The following SNRK variants were observed in gnomAD, a reference collection of about 807,000 sequenced individuals.
The protein encoded by SNRK is SNF related kinase.
SNRK carries 3 observed loss-of-function variants against 48.2 expected under a neutral mutation model. That is an observed-to-expected ratio of 0.06 (90% CI 0.03 to 0.16). SNRK has a LOEUF of 0.16. SNRK is among the 10% of genes least tolerant of loss of function. SNRK has a pLI of 1.00. For synonymous variants in SNRK, 376 were observed against 366.1 expected (o/e 1.03, Z -0.31); for missense variants, 627 against 976.0 (o/e 0.64, Z 4.76).
At chr3:43,297,870 C>T (rs893791861) in intron 1 of SNRK, among the ~76,000 whole-genome samples, 5 of 152,134 alleles carry the variant, frequency 3.3e-5, no homozygotes, top group Non-Finnish European at 7.3e-5. Context: ...TTACAGCACT[C>T]ATTTTCAATT....
intron 3 of SNRK, among the ~76,000 whole-genome samples, chr3:43,322,570 T>A (rs1229515616): frequency 1.3e-5 from 2 of 152,170 alleles, no homozygotes; most frequent in Admixed American, 6.5e-5. Context: ...TTAAAGAAGT[T>A]ATGTAACTAG....
chr3:43,346,442 A>C (rs11130000), intron 6 of SNRK, among the ~76,000 whole-genome samples: 32,939 of 152,236 alleles, frequency 0.22, 4,115 homozygotes, highest in Middle Eastern at 0.35. Context: ...AGAGAGCCTC[A>C]TTTAAAAAAT....
intron 3 of SNRK, among the ~76,000 whole-genome samples, chr3:43,313,149 G>GT (rs1168834428): frequency 2.6e-5 from 4 of 152,154 alleles, no homozygotes; most frequent in Non-Finnish European, 4.4e-5. Flanking sequence ...CTGAAAAATA[G>GT]TTTGACAGTT....
intron 6 of SNRK, among the ~76,000 whole-genome samples, chr3:43,345,755 G>T (rs1194313481): frequency 6.6e-6 from 1 of 152,190 alleles, no homozygotes; most frequent in African/African-American, 2.4e-5. Flanking sequence ...GGATCCTGCA[G>T]CAGTGAGGTG....
At chr3:43,288,652 A>G (rs534476633) in intron 1 of SNRK, among the ~76,000 whole-genome samples, 1 of 152,334 alleles carries the variant, frequency 6.6e-6, no homozygotes, top group South Asian at 2.1e-4. Context: ...TAAATAAGAC[A>G]TGATTTCTTC....
chr3:43,343,435 C>G lies in SNRK; in HGVS notation c.1036C>G (p.Gln346Glu). The change falls in exon 6 of 7, where the codon CAG becomes GAG. Residue 346 changes from glutamine (Q) to glutamate (E), a missense_variant. By Grantham distance (29) the Gln-to-Glu change is conservative (BLOSUM62 2). This residue lies in a region of SNRK where 175 missense variants were observed against 209.7 expected (regional missense o/e 0.83). Coordinates refer to ENST00000296088, the MANE Select transcript of SNRK (RefSeq NM_017719.5). ...ILREKQEKEIQTRSASPSNIK... is the reference protein window; with the variant it reads ...ILREKQEKEIETRSASPSNIK... ...GAGAGAAAAGCAAGAGAAAGAAATA[C>G]AGACCAGATCTGCAAGCCCGAGCAA... is the stretch of plus-strand genomic sequence containing the variant. 1 of 1,613,858 alleles carries G rather than the reference C, an allele frequency of 6.2e-7. No homozygotes were observed. The highest frequency in any genetic ancestry group is 8.5e-7 in the Non-Finnish European group (1 of 1,179,954).
chr3:43,336,974 G>T (rs979222969), intron 4 of SNRK, among the ~76,000 whole-genome samples: 3 of 152,078 alleles, frequency 2.0e-5, no homozygotes, highest in African/African-American at 7.2e-5. Context: ...GGGTGGTCTC[G>T]ATCTCCTGAC....
intron 3 of SNRK, among the ~76,000 whole-genome samples, chr3:43,310,572 A>G (rs1447855880): frequency 1.3e-5 from 2 of 151,030 alleles, no homozygotes; most frequent in African/African-American, 4.9e-5. Flanking sequence ...TTTGTTTGAA[A>G]CCCTTTCAGA....
chr3:43,310,081 G>A (rs2090968368), intron 3 of SNRK, among the ~76,000 whole-genome samples: 1 of 152,084 alleles, frequency 6.6e-6, no homozygotes, highest in Admixed American at 6.6e-5. Context: ...CTTTATTTCA[G>A]TGGTCTGGAA....
chr3:43,304,725 T>A (rs551142950), intron 3 of SNRK, among the ~76,000 whole-genome samples: 6 of 152,084 alleles, frequency 3.9e-5, no homozygotes, highest in Non-Finnish European at 8.8e-5. Context: ...GCATTTGTGG[T>A]AATTTGAAAT....
chr3:43,342,401 A>G (rs2091244275), intron 5 of SNRK, among the ~76,000 whole-genome samples: 1 of 152,198 alleles, frequency 6.6e-6, no homozygotes, highest in Non-Finnish European at 1.5e-5. Context: ...TGTATTTAGT[A>G]CTTGGCTGAA....
intron 5 of SNRK, 124 bp downstream of exon 5, chr3:43,340,623 T>TATCTTAAA: frequency 5.9e-6 from 5 of 851,630 alleles, no homozygotes; most frequent in Non-Finnish European, 9.0e-6. Flanking sequence ...GCAAGAGTTG[T>TATCTTAAA]GTCATTTATC....
intron 5 of SNRK, among the ~76,000 whole-genome samples, chr3:43,341,430 T>C (rs6441769): frequency 0.97 from 147,711 of 152,224 alleles, 71,818 homozygotes; most frequent in East Asian, 1. Flanking sequence ...GGATTACAGG[T>C]GTGAGCCACT....
chr3:43,332,221 C>T lies in SNRK; in HGVS notation c.642C>T (p.Pro214=). 1 of 1,601,704 alleles carries T rather than the reference C, an allele frequency of 6.2e-7. No homozygotes were observed. The highest frequency in any genetic ancestry group is 8.5e-7 in the Non-Finnish European group (1 of 1,174,224). The stretch of plus-strand genomic sequence containing the variant: ...TCATGTTGGTGTGTGGGCAGCCGCC[C>T]TTTCAAGAAGCCAATGACAGTGAAA... ...ILFMLVCGQP[P]FQEANDSETL... Residue 214 remains proline (P), a synonymous_variant, in exon 4 of 7, where the codon CCC becomes CCT. Transcript: ENST00000296088.
intron 1 of SNRK, among the ~76,000 whole-genome samples, chr3:43,291,249 T>G (rs952512371): frequency 6.6e-5 from 10 of 152,232 alleles, no homozygotes; most frequent in African/African-American, 2.4e-4. Flanking sequence ...GTTGCCAGTT[T>G]CAGTTCTTAG....
chr3:43,341,119 A>G (rs932170594), intron 5 of SNRK, among the ~76,000 whole-genome samples: 2 of 150,884 alleles, frequency 1.3e-5, no homozygotes, highest in Admixed American at 6.6e-5. Context: ...TGTTAATTAC[A>G]TCCTTTAAAA....
At chr3:43,313,152 T>C (rs1025846708) in intron 3 of SNRK, among the ~76,000 whole-genome samples, 4 of 152,196 alleles carry the variant, frequency 2.6e-5, no homozygotes, top group Non-Finnish European at 5.9e-5. Context: ...AAAAATAGTT[T>C]GACAGTTTCT....
In SNRK at chr3:43,347,808, G is replaced by C. The variant is rs2091288914; in HGVS notation, c.1549G>C (p.Ala517Pro). 6.2e-7 allele frequency: 1 copy of C among 1,614,200 alleles called. No homozygotes were observed. Among genetic ancestry groups the C allele is most frequent in the East Asian group, 2.2e-5 (1 of 44,870 alleles). Residue 517 changes from alanine to proline, a missense_variant, in exon 7 of 7, where the codon GCT (alanine) becomes CCT (proline). By Grantham distance (27) the Ala-to-Pro change is conservative. Around this residue, in one of 4 missense-constraint regions of SNRK, gnomAD observed 98 missense variants for 175.2 expected, o/e 0.56. Coordinates refer to ENST00000296088, the MANE Select transcript of SNRK (RefSeq NM_017719.5). The surrounding 1 kb of genome is among the most constrained non-coding windows in gnomAD (Gnocchi z 5.4). ...GTTGAGCAGGTTAAAGATGAATATA[G>C]CTTCTCCAGGTACAGTTCACAAACG... is the stretch of plus-strand genomic sequence containing the variant. The part of the protein sequence containing the change: ...PKLSRLKMNI[A>P]SPGTVHKRYH...
At chr3:43,341,503 G>T (rs1220916473) in intron 5 of SNRK, among the ~76,000 whole-genome samples, 1 of 152,228 alleles carries the variant, frequency 6.6e-6, no homozygotes, top group East Asian at 1.9e-4. Flanking sequence ...ACAGAGGAAA[G>T]AGGCATTTGC....
Sources: gnomAD v4.1 joint callset for allele counts (sites outside exome capture counted in the v4.1 genomes callset) on GRCh38, gnomAD v4.1.1 for gene constraint, gnomAD v4.1.1 regional missense constraint, Gnocchi (gnomAD v3.1) non-coding constraint, MANE v1.5 for transcripts, NCBI Gene and HGNC (gene_info 2026-07-23, HGNC 2026-07-21) for gene names.